The following CTNND2 variants were observed in gnomAD, a reference collection of about 807,000 sequenced individuals.
CTNND2 encodes the protein catenin delta 2, also known as catenin delta-2.
In CTNND2, 22 loss-of-function variants were observed where a neutral mutation model predicts 144.4. The ratio of observed to expected loss-of-function variants is 0.15; its 90% CI spans 0.11 to 0.22. The LOEUF is 0.22. CTNND2 is among the 10% of genes least tolerant of loss of function. The pLI is 1.00. For synonymous variants in CTNND2, 751 were observed against 695.6 expected (o/e 1.08, Z -1.25); for missense variants, 1,353 against 1,618.8 (o/e 0.84, Z 2.82).
At chr5:11,714,309 T>A (rs1786217718) in intron 2 of CTNND2, among the ~76,000 whole-genome samples, 1 of 151,530 alleles carries the variant, frequency 6.6e-6, no homozygotes, top group Non-Finnish European at 1.5e-5. Flanking sequence ...ATAATGACAA[T>A]TTTTTTTTAT....
At chr5:10,978,510 A>C (rs376274311) in intron 21 of CTNND2, among the ~76,000 whole-genome samples, 1 of 151,090 alleles carries the variant, frequency 6.6e-6, no homozygotes, top group East Asian at 2.0e-4. Flanking sequence ...AGGGGGGGGA[A>C]CCCTCTCTTT....
intron 16 of CTNND2, among the ~76,000 whole-genome samples, chr5:11,053,732 T>G (rs1288872529): frequency 6.6e-6 from 1 of 151,180 alleles, no homozygotes; most frequent in East Asian, 1.9e-4. Flanking sequence ...CTTAAAGGAA[T>G]AATAAAACTG....
chr5:11,896,084 A>G (rs1005631516), intron 1 of CTNND2, among the ~76,000 whole-genome samples: 2 of 152,176 alleles, frequency 1.3e-5, no homozygotes, highest in Non-Finnish European at 2.9e-5. Flanking sequence ...CTAGGAAGTA[A>G]TCTAGAGTAA....
At chr5:11,477,654 A>G (rs1422731309) in intron 3 of CTNND2, among the ~76,000 whole-genome samples, 1 of 152,084 alleles carries the variant, frequency 6.6e-6, no homozygotes, top group African/African-American at 2.4e-5. Flanking sequence ...GGATGAAGCA[A>G]TCCTCCTGAC....
chr5:11,439,740 ATATCTATCTATCTATCTATCTATC>A lies in CTNND2; in HGVS notation c.288-27695_288-27672del, dbSNP rs57368706. Reference sequence around the variant, plus strand: ...GAGCTAGCTGCCCTCTCTGCTAGCTATATCTATCTATCTATCTATCTATCTATCTATCTATCTATCTATCTATCT... The same window carrying A: ...GAGCTAGCTGCCCTCTCTGCTAGCTATATCTATCTATCTATCTATCTATCT... On this transcript the variant is annotated intron_variant, in intron 3 of 21. Transcript: ENST00000304623. 1.2e-3 allele frequency among the ~76,000 whole-genome samples: 173 copies of A among 146,190 alleles called. 1 individual carries two copies. Among genetic ancestry groups the A allele is most frequent in the Middle Eastern group, 6.9e-3 (2 of 290 alleles).
chr5:11,096,324 C>A (rs762609601), intron 15 of CTNND2, among the ~76,000 whole-genome samples: 39 of 152,124 alleles, frequency 2.6e-4, no homozygotes, highest in Non-Finnish European at 5.0e-4. Context: ...TAGCCCCCCA[C>A]CCCTGCCAGG....
intron 2 of CTNND2, among the ~76,000 whole-genome samples, chr5:11,622,985 G>A (rs887527605): frequency 6.6e-6 from 1 of 151,968 alleles, no homozygotes; most frequent in Non-Finnish European, 1.5e-5. Flanking sequence ...CAACACGACT[G>A]GTTTATTTTT....
chr5:11,594,926 C>T (rs1779429487), intron 2 of CTNND2, among the ~76,000 whole-genome samples: 1 of 152,126 alleles, frequency 6.6e-6, no homozygotes, highest in Non-Finnish European at 1.5e-5. Flanking sequence ...GAAATTTTGG[C>T]TTCTTATTTT....
intron 1 of CTNND2, among the ~76,000 whole-genome samples, chr5:11,823,976 C>G (rs761792629): frequency 6.7e-6 from 1 of 150,010 alleles, no homozygotes; most frequent in African/African-American, 2.5e-5. Context: ...GGCATGGTGG[C>G]GGGATGCCTG....
chr5:11,062,259 T>C (rs1747078160), intron 16 of CTNND2, among the ~76,000 whole-genome samples: 1 of 152,272 alleles, frequency 6.6e-6, no homozygotes, highest in Non-Finnish European at 1.5e-5. Flanking sequence ...TAGACTTTCA[T>C]GGTATGAACA....
intron 11 of CTNND2, among the ~76,000 whole-genome samples, chr5:11,196,380 G>T (rs993733921): frequency 1.3e-5 from 2 of 152,094 alleles, no homozygotes; most frequent in African/African-American, 4.8e-5. Flanking sequence ...TTCAACATTT[G>T]CTCTCATCCA....
At chr5:11,435,839 T>C (rs2149882768) in intron 3 of CTNND2, among the ~76,000 whole-genome samples, 1 of 152,324 alleles carries the variant, frequency 6.6e-6, no homozygotes, top group East Asian at 1.9e-4. Context: ...GGATGATTTT[T>C]GGGTTGGGGT....
chr5:11,808,994 A>G (rs10063947), intron 1 of CTNND2, among the ~76,000 whole-genome samples: 15,136 of 152,186 alleles, frequency 0.099, 1,784 homozygotes, highest in African/African-American at 0.28. Context: ...GGCTGCATGG[A>G]GATACTTCAA....
chr5:11,052,531 C>G (rs1383621357), intron 16 of CTNND2, among the ~76,000 whole-genome samples: 1 of 152,102 alleles, frequency 6.6e-6, no homozygotes, highest in Non-Finnish European at 1.5e-5. Context: ...AGTTTGTGCC[C>G]TAAGACATAC....
intron 9 of CTNND2, among the ~76,000 whole-genome samples, chr5:11,277,874 C>T (rs1746708174): frequency 6.6e-6 from 1 of 152,022 alleles, no homozygotes; most frequent in Non-Finnish European, 1.5e-5. Context: ...ACAACAATAC[C>T]CAAGTGCACT....
rs570292154 is a variant in CTNND2, at chr5:11,325,744, A to G, written c.1628+20628T>C. On this transcript the variant is annotated intron_variant, in intron 9 of 21. Coordinates refer to ENST00000304623, the MANE Select transcript of CTNND2 (RefSeq NM_001332.4). ...TTAGGCTTTCTTTCCCAAGGGCTAA[A>G]TAGAAACCAGTACTTTGCAAAGACT... Among the ~76,000 whole-genome samples, 3 of 152,222 alleles carry G rather than the reference A, an allele frequency of 2.0e-5. No individual in the cohort carries two copies. The East Asian group carries it at 5.8e-4, about 29-fold the overall frequency.
At chr5:11,485,374 T>TGCGC (rs141291357) in intron 3 of CTNND2, among the ~76,000 whole-genome samples, 34 of 140,616 alleles carry the variant, frequency 2.4e-4, no homozygotes, top group Middle Eastern at 7.9e-3. Context: ...TGTGTGTGTG[T>TGCGC]GCGCGCGCGC....
At chr5:11,389,814 GA>G (rs1303582167) in intron 6 of CTNND2, among the ~76,000 whole-genome samples, 1 of 151,216 alleles carries the variant, frequency 6.6e-6, no homozygotes, top group Non-Finnish European at 1.5e-5. Flanking sequence ...TGTCACAGTA[GA>G]AAATTCTACA....
intron 3 of CTNND2, among the ~76,000 whole-genome samples, chr5:11,414,211 G>A (rs1761752931): frequency 6.6e-6 from 1 of 152,090 alleles, no homozygotes; most frequent in Non-Finnish European, 1.5e-5. Context: ...AAACTCCCCT[G>A]GAGTATTTGT....
Sources: gnomAD v4.1 joint callset for allele counts (sites outside exome capture counted in the v4.1 genomes callset) on GRCh38, gnomAD v4.1.1 for gene constraint, MANE v1.5 for transcripts, NCBI Gene and HGNC (gene_info 2026-07-23, HGNC 2026-07-21) for gene names.